The following MBTPS1 variants were observed in gnomAD, a reference collection of about 807,000 sequenced individuals.
The protein encoded by MBTPS1 is membrane-bound transcription factor site-1 protease.
In MBTPS1, 94 loss-of-function variants were observed where a neutral mutation model predicts 127.8. The observed-to-expected ratio is 0.74, with a 90% CI of 0.62 to 0.87. The LOEUF (loss-of-function observed/expected upper bound fraction) is 0.87, where lower values mean the gene tolerates loss of function less well. Ranked by LOEUF, MBTPS1 falls within the 40% of genes least tolerant of loss-of-function variation. The probability of loss-of-function intolerance (pLI) is 0.00; values close to 1 mark genes in which losing one functional copy is unlikely to be tolerated. For missense variants in MBTPS1, 1,636 were observed against 1,353.2 expected (o/e 1.21, Z -3.28); for synonymous variants, 632 against 509.4 (o/e 1.24, Z -3.24).
intron 22 of MBTPS1, among the ~76,000 whole-genome samples, chr16:84,054,949 A>C (rs1284227806): frequency 6.6e-6 from 1 of 152,098 alleles, no homozygotes; most frequent in Non-Finnish European, 1.5e-5. Context: ...CAACCTACCG[A>C]AGGGAGGCCC....
chr16:84,061,861 T>C (rs1418381056), intron 19 of MBTPS1, among the ~76,000 whole-genome samples: 1 of 152,136 alleles, frequency 6.6e-6, no homozygotes, highest in Non-Finnish European at 1.5e-5. Context: ...AACATCAACC[T>C]GGACTAGACA....
chr16:84,093,153 A>G (rs2086132862), intron 6 of MBTPS1, 35 bp downstream of exon 6: 1 of 1,341,822 alleles, frequency 7.5e-7, no homozygotes, highest in Admixed American at 1.7e-5. Flanking sequence ...TTCAGTATGA[A>G]TTCCTCAAGT....
rs974528765 is a variant in MBTPS1, at chr16:84,067,679, T to C, written c.2216A>G (p.Asp739Gly). The C allele has an allele frequency of 6.2e-7, 1 of 1,612,258 alleles. No individual in the cohort carries two copies. The highest frequency in any genetic ancestry group is 8.5e-7 in the Non-Finnish European group (1 of 1,178,408). The change falls in exon 16 of 23, where the codon GAT becomes GGT. Residue 739 changes from aspartate to glycine, a missense_variant. By Grantham distance (94) the Asp-to-Gly change is moderately conservative. Coordinates refer to ENST00000343411, the MANE Select transcript of MBTPS1 (RefSeq NM_003791.4). ...GTATCAACAGTACCTTGTGTTTTCA[T>C]CATAAAACTTCACTTTTCTCATAAC... ...TSVMRKVKFYDENTRQWWMPD... is the reference protein window; with the variant it reads ...TSVMRKVKFYGENTRQWWMPD...
intron 7 of MBTPS1, 27 bp downstream of exon 7, chr16:84,091,705 A>G: frequency 1.3e-6 from 2 of 1,524,956 alleles, no homozygotes; most frequent in Non-Finnish European, 9.1e-7. Context: ...CTGTCACCCA[A>G]ACCCCGTGTG....
intron 8 of MBTPS1, among the ~76,000 whole-genome samples, chr16:84,087,922 C>T (rs2086053768): frequency 6.6e-6 from 1 of 152,194 alleles, no homozygotes; most frequent in Non-Finnish European, 1.5e-5. Flanking sequence ...CATAACCACA[C>T]ATTTACATCT....
At chr16:84,114,052 C>G (rs2086435434) in intron 1 of MBTPS1, among the ~76,000 whole-genome samples, 1 of 151,600 alleles carries the variant, frequency 6.6e-6, no homozygotes, top group African/African-American at 2.4e-5. Context: ...GCAACCTCTG[C>G]CTCCGGGGTT....
At chr16:84,056,171 G>C (rs774215386) in intron 21 of MBTPS1, 36 bp from the exon 22 acceptor site, 51 of 1,583,634 alleles carry the variant, frequency 3.2e-5, no homozygotes, top group Non-Finnish European at 4.2e-5. Flanking sequence ...ACAAAAATAA[G>C]CCATTGTACT....
chr16:84,115,587 T>C (rs1394030848), intron 1 of MBTPS1, among the ~76,000 whole-genome samples: 1 of 152,210 alleles, frequency 6.6e-6, no homozygotes, highest in African/African-American at 2.4e-5. Flanking sequence ...ACAACATGGA[T>C]GAACTGTGAA....
intron 8 of MBTPS1, among the ~76,000 whole-genome samples, chr16:84,089,961 T>C (rs542664027): frequency 6.6e-6 from 1 of 152,164 alleles, no homozygotes; most frequent in East Asian, 1.9e-4. Flanking sequence ...TTCATGCCAC[T>C]TACATCTATG....
chr16:84,059,665 GA>G (rs1395338453), intron 20 of MBTPS1: 1 of 392,604 alleles, frequency 2.5e-6, no homozygotes, highest in African/African-American at 2.0e-5. Context: ...TTCCCTTGAA[GA>G]TGGGCAGATG....
In MBTPS1 at chr16:84,112,672, A is replaced by AC. The variant is rs1321401105; in HGVS notation, c.-325+4062_-325+4063insG. ...GCGAGACTCGGTCTCAAAAAAAACAAAAAAAAACAAAAAAAGAATACGCCG... is the reference window on the plus strand; with the variant it reads ...GCGAGACTCGGTCTCAAAAAAAACAACAAAAAAACAAAAAAAGAATACGCCG... On this transcript the variant is annotated intron_variant, in intron 1 of 22. Coordinates refer to ENST00000343411, the MANE Select transcript of MBTPS1 (RefSeq NM_003791.4). Among the ~76,000 whole-genome samples, 3 of 149,816 alleles carry AC rather than the reference A, an allele frequency of 2.0e-5. 1 individual carries two copies. The highest frequency in any genetic ancestry group is 2.1e-4 in the South Asian group (1 of 4,748).
At chr16:84,063,144 T>C (rs966991599) in intron 19 of MBTPS1, among the ~76,000 whole-genome samples, 161 bp downstream of exon 19, 1 of 152,226 alleles carries the variant, frequency 6.6e-6, no homozygotes, top group South Asian at 2.1e-4. Context: ...CCTATCAAAA[T>C]ATTCCAAGCA....
In MBTPS1 at chr16:84,060,776, T is replaced by C. The variant is rs1194160452; in HGVS notation, c.2610A>G (p.Thr870=). 2.7e-5 allele frequency: 44 copies of C among 1,602,658 alleles called. No individual in the cohort carries two copies. The highest frequency in any genetic ancestry group is 3.2e-5 in the Non-Finnish European group (38 of 1,174,710). The part of the protein sequence containing the change: ...FWLLDALLQY[T]SYGVTPPSLS... ...GGCTAGGCGGTGTCACCCCATACGA[T>C]GTGTACTGGAGGAGGGCATCCAGAA... The change falls in exon 20 of 23, where the codon ACA becomes ACG. Residue 870 remains threonine, a synonymous_variant. Transcript: ENST00000343411.
In MBTPS1 at chr16:84,059,444, A is replaced by G. The variant is rs1236405798; in HGVS notation, c.2705-16T>C. 6.2e-7 allele frequency: 1 copy of G among 1,602,178 alleles called. No individual in the cohort carries two copies. The highest frequency in any genetic ancestry group is 8.5e-7 in the Non-Finnish European group (1 of 1,173,830). ...AGATGGTTTCCTGTGGTTAGCAGCAACATCAACAAAAAGGAAAATCATCTC... is the reference window on the plus strand; with the variant it reads ...AGATGGTTTCCTGTGGTTAGCAGCAGCATCAACAAAAAGGAAAATCATCTC... On this transcript the variant is annotated splice_polypyrimidine_tract_variant and intron_variant, in intron 20 of 22. Coordinates refer to ENST00000343411, the MANE Select transcript of MBTPS1 (RefSeq NM_003791.4).
At position 84,069,994 on chromosome 16, in the gene MBTPS1, A is replaced by C. The variant is rs752484787; in HGVS notation, c.1827T>G (p.Ile609Met). The C allele has an allele frequency of 9.9e-6, 16 of 1,613,872 alleles. No individual in the cohort carries two copies. Among genetic ancestry groups the C allele is most frequent in the Non-Finnish European group, 1.4e-5 (16 of 1,179,980 alleles). The change falls in exon 14 of 23, where the codon ATT (isoleucine) becomes ATG (methionine). Residue 609 changes from isoleucine (I) to methionine (M), a missense_variant. By Grantham distance (10) the Ile-to-Met change is conservative. Transcript: ENST00000343411. ...GGGGAGTAGGAATTATCTTCACCTT[A>C]ATGGGGAGCTTTACTGTTGAAGTCT... is the stretch of plus-strand genomic sequence containing the variant. ...AEQTSTVKLP[I>M]KVKIIPTPPR...
At chr16:84,060,351 T>G in intron 20 of MBTPS1, 1 of 216,044 alleles carries the variant, frequency 4.6e-6, no homozygotes. Flanking sequence ...TGCTCTAGAA[T>G]GTTGGTGATT....
intron 11 of MBTPS1, among the ~76,000 whole-genome samples, chr16:84,079,775 G>A (rs1283953760): frequency 1.3e-5 from 2 of 152,208 alleles, no homozygotes; most frequent in African/African-American, 4.8e-5. Flanking sequence ...TGAGATACTG[G>A]CTGGAACCTG....
In MBTPS1 at chr16:84,081,844, G is replaced by T. The variant is rs780885578; in HGVS notation, c.1351C>A (p.Arg451=). 3.9e-6 allele frequency: 6 copies of T among 1,529,926 alleles called. No homozygotes were observed. The allele number at this position is 1,529,926 out of a possible 1,614,324, so 94.8% of individuals were successfully genotyped here. The part of the protein sequence containing the change: ...SMKQALIASA[R]RLPGVNMFEQ... ...AACATGTTGACCCCGGGGAGCCTCC[G>T]GGCTGACGCGATCAGGGCCTGCTTC... Residue 451 remains arginine (R), a synonymous_variant, in exon 11 of 23, where the codon CGG becomes AGG. Transcript: ENST00000343411.
Position 84,063,420 on chromosome 16 carries a change from T to G in MBTPS1, c.2457A>C (p.Thr819=), listed in dbSNP as rs1282355458. The change falls in exon 19 of 23, where the codon ACA becomes ACC. Residue 819 remains threonine, a synonymous_variant. Coordinates refer to ENST00000343411, the MANE Select transcript of MBTPS1 (RefSeq NM_003791.4). ...AAATGGGGACGTTTTCAACAACTGC[T>G]GTTTCCTGCTTTAAAACCTCCAATC... ...DQGLEVLKQE[T]AVVENVPILG... 1 of 1,614,186 alleles carries G rather than the reference T, an allele frequency of 6.2e-7. No homozygotes were observed.
Sources: gnomAD v4.1 joint callset for allele counts (sites outside exome capture counted in the v4.1 genomes callset) on GRCh38, gnomAD v4.1.1 for gene constraint, MANE v1.5 for transcripts, NCBI Gene and HGNC (gene_info 2026-07-23, HGNC 2026-07-21) for gene names.